Variants in SECISBP2 observed in about 807,000 individuals in gnomAD.
The protein encoded by SECISBP2 is SECIS binding protein 2.
SECISBP2 carries 96 observed loss-of-function variants against 98.2 expected under a neutral mutation model. The ratio of observed to expected loss-of-function variants is 0.98; its 90% CI spans 0.83 to 1.16. SECISBP2 has a LOEUF of 1.16. Ranked by LOEUF, SECISBP2 falls within the 50% of genes most tolerant of loss-of-function variation. SECISBP2 has a pLI of 0.00. For synonymous variants in SECISBP2, 407 were observed against 370.2 expected, an observed-to-expected ratio of 1.10 and a Z score of -1.14; for missense variants, 1,046 against 1,022.9, an observed-to-expected ratio of 1.02 and a Z score of -0.31.
downstream of SECISBP2, among the ~76,000 whole-genome samples, chr9:89,363,277 G>C (rs922023181): frequency 6.6e-6 from 1 of 151,136 alleles, no homozygotes; most frequent in Non-Finnish European, 1.5e-5. Context: ...TCCCCCCCCA[G>C]TGTTGCAGAT....
intron 9 of SECISBP2, among the ~76,000 whole-genome samples, chr9:89,340,716 G>A (rs1036267744): frequency 2.0e-5 from 3 of 152,130 alleles, no homozygotes; most frequent in Non-Finnish European, 4.4e-5. Flanking sequence ...GAGAACACTT[G>A]GCAGGAGAAT....
chr9:89,330,587 T>C (rs1433046510), intron 5 of SECISBP2: 1 of 152,216 alleles, frequency 6.6e-6, no homozygotes, highest in African/African-American at 2.4e-5. Context: ...GATAGGCCAT[T>C]GTGTAGCAGT....
intron 6 of SECISBP2, among the ~76,000 whole-genome samples, chr9:89,333,402 C>T (rs1182060540): frequency 1.3e-5 from 2 of 152,186 alleles, no homozygotes; most frequent in South Asian, 2.1e-4. Flanking sequence ...ATAAATTAAG[C>T]GTATTGCATT....
Position 89,341,345 on chromosome 9 carries a change from A to C in SECISBP2, c.1303-2A>C. On this transcript the variant is annotated splice_acceptor_variant, in intron 9 of 16. Transcript: ENST00000375807. LOFTEE classifies it high-confidence loss of function. The stretch of plus-strand genomic sequence containing the variant: ...GTAAACTTACGAATTTTGAACTTTC[A>C]GGATAATTTTAAAAATAATGTAAAG... 1 of 1,613,298 alleles carries C rather than the reference A, an allele frequency of 6.2e-7. No individual in the cohort carries two copies. The highest frequency in any genetic ancestry group is 1.1e-5 in the South Asian group (1 of 91,012).
At chr9:89,333,233 TA>T (rs544927198) in intron 6 of SECISBP2, among the ~76,000 whole-genome samples, 96 of 152,302 alleles carry the variant, frequency 6.3e-4, no homozygotes, top group African/African-American at 2.2e-3. Flanking sequence ...TGAGAAATTT[TA>T]TGAACTCAGC....
At chr9:89,336,766 CTTT>C (rs1167993596) in intron 7 of SECISBP2, among the ~76,000 whole-genome samples, 1 of 75,198 alleles carries the variant, frequency 1.3e-5, no homozygotes, top group Non-Finnish European at 2.3e-5. Flanking sequence ...CTGTCTAATT[CTTT>C]TTTTTTTTTT....
intron 10 of SECISBP2, among the ~76,000 whole-genome samples, chr9:89,345,505 G>A (rs1245905314): frequency 6.6e-6 from 1 of 152,210 alleles, no homozygotes; most frequent in Non-Finnish European, 1.5e-5. Context: ...TCTTCGGTTT[G>A]TTGGAACCCT....
At chr9:89,352,252 G>A (rs368027874) in intron 14 of SECISBP2, among the ~76,000 whole-genome samples, 6 of 152,248 alleles carry the variant, frequency 3.9e-5, no homozygotes, top group African/African-American at 1.4e-4. Context: ...CAGGCATTCT[G>A]CAGTTTCATC....
At chr9:89,363,211 G>A (rs1832992323), downstream of SECISBP2, among the ~76,000 whole-genome samples, 1 of 152,218 alleles carries the variant, frequency 6.6e-6, no homozygotes, top group Non-Finnish European at 1.5e-5. Context: ...CTCTTTTAAG[G>A]GCTGGGGCCA....
chr9:89,364,085 C>G (rs1833194452), downstream of SECISBP2: 6 of 1,555,392 alleles, frequency 3.9e-6, no homozygotes, highest in East Asian at 1.4e-4. Context: ...CAATTCAGTC[C>G]CTGGGACTGC....
chr9:89,341,433 G>GCA lies in SECISBP2; in HGVS notation c.1391_1392dup (p.Ser465ThrfsTer13), dbSNP rs1564394272. 6.2e-7 allele frequency: 1 copy of GCA among 1,614,162 alleles called. No individual in the cohort carries two copies. The highest frequency in any genetic ancestry group is 1.1e-5 in the South Asian group (1 of 91,088). On this transcript the variant is annotated frameshift_variant, in exon 10 of 17. Coordinates refer to ENST00000375807, the MANE Select transcript of SECISBP2 (RefSeq NM_024077.5). LOFTEE classifies it high-confidence loss of function. ...TGCTGACAGCCCTGGAGAAGAAGCAGCACTCTCAGCATGCAAAGCAGTCCT... is the reference window on the plus strand; with the variant it reads ...TGCTGACAGCCCTGGAGAAGAAGCAGCACACTCTCAGCATGCAAAGCAGTCCT...
At chr9:89,339,539 C>T (rs1289994071) in intron 8 of SECISBP2, among the ~76,000 whole-genome samples, 1 of 152,172 alleles carries the variant, frequency 6.6e-6, no homozygotes, top group East Asian at 1.9e-4. Flanking sequence ...TGGATGGTTT[C>T]TCTAATGAAA....
At chr9:89,355,749 G>GT (rs1181418094) in intron 14 of SECISBP2, 3 of 175,480 alleles carry the variant, frequency 1.7e-5, no homozygotes, top group African/African-American at 4.8e-5. Flanking sequence ...TCCTTCATTT[G>GT]TATATGTTTA....
chr9:89,355,635 T>C (rs1267581171), intron 14 of SECISBP2: 5 of 872,694 alleles, frequency 5.7e-6, no homozygotes, highest in Non-Finnish European at 6.9e-6. Context: ...GTTTTATATA[T>C]TGGTATTTCA....
chr9:89,319,088 C>T, intron 1 of SECISBP2: 4 of 977,102 alleles, frequency 4.1e-6, no homozygotes, highest in Non-Finnish European at 3.7e-6. Context: ...TACTACGTCA[C>T]TAAAAACTAA....
At position 89,358,775 on chromosome 9, in the gene SECISBP2, A is replaced by G; in HGVS notation, c.2516A>G (p.Glu839Gly). ...TACAGTGGATGTACCCTGGAGCTAG[A>G]AGAATCCTTGGAGGCTTCAACCTCT... ...EAYSGCTLEL[E>G]ESLEASTSQM... The change falls in exon 17 of 17, where the codon GAA (glutamate) becomes GGA (glycine). Residue 839 changes from glutamate (E) to glycine (G), a missense_variant. Coordinates refer to ENST00000375807, the MANE Select transcript of SECISBP2 (RefSeq NM_024077.5). The G allele has an allele frequency of 1.9e-6, 3 of 1,614,046 alleles. No homozygotes were observed. Among genetic ancestry groups the G allele is most frequent in the African/African-American group, 2.7e-5 (2 of 75,072 alleles).
Position 89,325,959 on chromosome 9 carries a change from T to A in SECISBP2, c.495T>A (p.Asp165Glu). Residue 165 changes from aspartate (D) to glutamate (E), a missense_variant, in exon 4 of 17, where the codon GAT becomes GAA. Asp to Glu is a conservative substitution (Grantham distance 45, BLOSUM62 2). Coordinates refer to ENST00000375807, the MANE Select transcript of SECISBP2 (RefSeq NM_024077.5). ...AAAAGTTTGACAGTGAAAGGGCTGATGGAACTATATCATCTGAGATAAAAT... is the reference window on the plus strand; with the variant it reads ...AAAAGTTTGACAGTGAAAGGGCTGAAGGAACTATATCATCTGAGATAAAAT... ...DQQKFDSERADGTISSEIKSA... is the reference protein window; with the variant it reads ...DQQKFDSERAEGTISSEIKSA... 2 of 1,614,072 alleles carry A rather than the reference T, an allele frequency of 1.2e-6. No individual in the cohort carries two copies. Among genetic ancestry groups the A allele is most frequent in the Non-Finnish European group, 1.7e-6 (2 of 1,179,978 alleles).
chr9:89,339,916 TAG>T lies in SECISBP2; in HGVS notation c.1269_1270del (p.Glu423AspfsTer7). On this transcript the variant is annotated frameshift_variant, in exon 9 of 17. Transcript: ENST00000375807. LOFTEE classifies it high-confidence loss of function. Reference sequence around the variant, plus strand: ...GTTGCATCTGAAAGAAGAGACAGAATAGAGACACCGAAATTTCAATCTAAGCA... The same window carrying T: ...GTTGCATCTGAAAGAAGAGACAGAATAGACACCGAAATTTCAATCTAAGCA... 1.2e-6 allele frequency: 2 copies of T among 1,613,768 alleles called. No homozygotes were observed. The highest frequency in any genetic ancestry group is 1.7e-5 in the Admixed American group (1 of 60,016).
At chr9:89,360,794 T>C (rs1459278635), downstream of SECISBP2, 1 of 152,188 alleles carries the variant, frequency 6.6e-6, no homozygotes. Context: ...AACTGAACAA[T>C]GTACAACTCT....
Sources: allele counts gnomAD v4.1 joint callset (sites outside exome capture counted in the v4.1 genomes callset), GRCh38; gene constraint gnomAD v4.1.1; transcripts MANE v1.5; gene names NCBI Gene and HGNC (gene_info 2026-07-23, HGNC 2026-07-21).